The following ITPR3 variants were observed in gnomAD, a reference collection of about 807,000 sequenced individuals.
ITPR3 encodes the protein inositol 1,4,5-trisphosphate receptor type 3.
ITPR3 carries 173 observed loss-of-function variants against 293.2 expected under a neutral mutation model. The ratio of observed to expected loss-of-function variants is 0.59; its 90% CI spans 0.52 to 0.67. The LOEUF (loss-of-function observed/expected upper bound fraction) is 0.67, where lower values mean the gene tolerates loss of function less well. ITPR3 is among the 30% of genes least tolerant of loss of function. ITPR3 has a pLI of 0.00. For synonymous variants in ITPR3, 1,295 were observed against 1,444.4 expected (o/e 0.90, Z 2.35); for missense variants, 2,796 against 3,592.1 (o/e 0.78, Z 5.66).
At chr6:33,661,587 A>G (rs1764468587) in intron 7 of ITPR3, among the ~76,000 whole-genome samples, 2 of 152,232 alleles carry the variant, frequency 1.3e-5, no homozygotes, top group African/African-American at 4.8e-5. Context: ...TTCATCACGC[A>G]TATTATAATC....
intron 12 of ITPR3, 35 bp downstream of exon 12, chr6:33,665,004 C>G: frequency 6.2e-7 from 1 of 1,613,550 alleles, no homozygotes; most frequent in African/African-American, 1.3e-5. Flanking sequence ...GGGCTGGGGC[C>G]AGGGCCGGAG....
intron 7 of ITPR3, among the ~76,000 whole-genome samples, chr6:33,660,271 G>A (rs1764428487): frequency 1.3e-5 from 2 of 152,084 alleles, no homozygotes; most frequent in African/African-American, 4.8e-5. Context: ...GGAGCAGGCA[G>A]GAACATCAGC....
chr6:33,684,801 C>A lies in ITPR3; in HGVS notation c.5165C>A (p.Ala1722Glu), dbSNP rs754296665. The change falls in exon 39 of 58, where the codon GCA (alanine) becomes GAA (glutamate). Residue 1722 changes from alanine (A) to glutamate (E), a missense_variant. Physicochemically the swap from Ala to Glu is moderately radical, Grantham distance 107 (BLOSUM62 -1). Coordinates refer to ENST00000605930, the MANE Select transcript of ITPR3 (RefSeq NM_002224.4). This position sits in a 1 kb window ranked among gnomAD's most constrained non-coding sequence, Gnocchi z 4.2. Reference sequence around the variant, plus strand: ...CTGGACCCAGACTGGTCGGCAATCGCAGCCACCCAGTGCCGGCTGGACAAG... The same window carrying A: ...CTGGACCCAGACTGGTCGGCAATCGAAGCCACCCAGTGCCGGCTGGACAAG... ...TGLDPDWSAI[A>E]ATQCRLDKEG... The A allele has an allele frequency of 6.2e-7, 1 of 1,613,048 alleles. No individual in the cohort carries two copies. The highest frequency in any genetic ancestry group is 8.5e-7 in the Non-Finnish European group (1 of 1,179,404).
At position 33,670,955 on chromosome 6, in the gene ITPR3, G is replaced by A. The variant is rs1310205760; in HGVS notation, c.2586+140G>A. 19 of 1,305,812 alleles carry A rather than the reference G, an allele frequency of 1.5e-5. 1 individual carries two copies. The highest frequency in any genetic ancestry group is 5.1e-4 in the Middle Eastern group (2 of 3,932). 80.9% of individuals were successfully genotyped at this position (1,305,812 alleles called of 1,614,324 possible). A position where few individuals can be genotyped will look rare whatever the true frequency, so the allele number is the denominator to read the frequency against. On this transcript the variant is annotated intron_variant, in intron 20 of 57. Coordinates refer to ENST00000605930, the MANE Select transcript of ITPR3 (RefSeq NM_002224.4). The surrounding 1 kb of genome is among the most constrained non-coding windows in gnomAD (Gnocchi z 6.7). ...TGTCCCCAGCCAGTGCAGGGGGACC[G>A]CATAGAAGGCTGGGATTCTCCAAGA...
At position 33,663,774 on chromosome 6, in the gene ITPR3, G is replaced by A. The variant is rs1280417400; in HGVS notation, c.1042G>A (p.Glu348Lys). The A allele has an allele frequency of 1.2e-6, 2 of 1,614,056 alleles. No homozygotes were observed. Among genetic ancestry groups the A allele is most frequent in the African/African-American group, 1.3e-5 (1 of 74,936 alleles). Residue 348 changes from glutamate (E) to lysine (K), a missense_variant, in exon 11 of 58, where the codon GAG becomes AAG. Transcript: ENST00000605930. Reference protein sequence around the residue: ...QGRTGRRNAGEKIKYCLVAVP... With the variant: ...QGRTGRRNAGKKIKYCLVAVP... ...CCGCACAGGCCGCAGGAATGCTGGG[G>A]AGAAGATCAAGTACTGCCTGGTGGC...
intron 22 of ITPR3, among the ~76,000 whole-genome samples, 183 bp from the exon 23 acceptor site, chr6:33,673,408 T>C (rs1764819974): frequency 7.7e-6 from 1 of 129,070 alleles, no homozygotes. Context: ...GGGAGAGGGG[T>C]CTTGTTTTCT....
chr6:33,636,113 G>C (rs200138015), intron 1 of ITPR3, among the ~76,000 whole-genome samples: 3,595 of 124,488 alleles, frequency 0.029, 66 homozygotes, highest in African/African-American at 0.035. Flanking sequence ...GTGGTGAAAC[G>C]CTGTCTCTAC....
chr6:33,657,498 C>T (rs1044909299), intron 3 of ITPR3, among the ~76,000 whole-genome samples: 1 of 151,598 alleles, frequency 6.6e-6, no homozygotes, highest in East Asian at 1.9e-4. Flanking sequence ...GGAAATGGCA[C>T]CAAGCAGCCC....
rs764233066 is a variant in ITPR3, at chr6:33,689,251, C to T, written c.6708C>T (p.Ser2236=). Residue 2236 remains serine (S), a synonymous_variant, in exon 50 of 58, where the codon TCC becomes TCT. Coordinates refer to ENST00000605930, the MANE Select transcript of ITPR3 (RefSeq NM_002224.4). ...MEGASTGVLD[S]PLISLLFWIL... The stretch of plus-strand genomic sequence containing the variant: ...CCTGGCCCCCAGGCGTGCTGGACTC[C>T]CCTCTCATCTCATTGCTCTTCTGGA... 1.4e-5 allele frequency: 22 copies of T among 1,610,120 alleles called. No homozygotes were observed. The Admixed American group carries it at 3.7e-4, about 27-fold the overall frequency.
chr6:33,687,645 A>G lies in ITPR3; in HGVS notation c.6264+81A>G. ...ACTTGACCCAAGGGCGTGGCCTGGA[A>G]CAGAGTGAGGCCCTAGAATATGAGC... On this transcript the variant is annotated intron_variant, in intron 46 of 57. Transcript: ENST00000605930. This position sits in a 1 kb window ranked among gnomAD's most constrained non-coding sequence, Gnocchi z 5.3. 1 of 1,117,502 alleles carries G rather than the reference A, an allele frequency of 8.9e-7. No individual in the cohort carries two copies. The highest frequency in any genetic ancestry group is 1.3e-6 in the Non-Finnish European group (1 of 754,840). 69.2% of individuals were successfully genotyped at this position (1,117,502 alleles called of 1,614,324 possible).
rs769011935 is a variant in ITPR3 at position 33,685,517 on chromosome 6, C to A, written c.5466C>A (p.Val1822=). The change falls in exon 40 of 58, where the codon GTC becomes GTA. Residue 1822 remains valine (V), a synonymous_variant. Transcript: ENST00000605930. ...AGCCACATGAGGACCGCGAGCCAGT[C>A]GACCCCACCACCAAAGGTCAGGGGT... ...GSQPHEDREP[V]DPTTKGRVAS... 5 of 1,613,396 alleles carry A rather than the reference C, an allele frequency of 3.1e-6. No individual in the cohort carries two copies. In the East Asian group the frequency reaches 1.1e-4, roughly 36 times the overall value.
Position 33,675,982 on chromosome 6 carries a change from C to CAAGGCTGAAAA in ITPR3, c.3282+126_3282+127insAAGGCTGAAAA. Reference sequence around the variant, plus strand: ...TGGGATGCCCATTTGGGGTTTTCAGCCTTGCTGAGTTCCTAGGTGAAGACT... The same window carrying CAAGGCTGAAAA: ...TGGGATGCCCATTTGGGGTTTTCAGCAAGGCTGAAAACTTGCTGAGTTCCTAGGTGAAGACT... On this transcript the variant is annotated intron_variant, in intron 25 of 57. Transcript: ENST00000605930. The surrounding 1 kb of genome is among the most constrained non-coding windows in gnomAD (Gnocchi z 5.0). 1.7e-6 allele frequency: 2 copies of CAAGGCTGAAAA among 1,159,736 alleles called. No individual in the cohort carries two copies. Among genetic ancestry groups the CAAGGCTGAAAA allele is most frequent in the Non-Finnish European group, 2.4e-6 (2 of 849,920 alleles). The allele number at this position is 1,159,736 out of a possible 1,614,324, so 71.8% of individuals were successfully genotyped here. A position where few individuals can be genotyped will look rare whatever the true frequency, so the allele number is the denominator to read the frequency against.
chr6:33,665,494 C>T (rs1582134975), intron 13 of ITPR3, among the ~76,000 whole-genome samples: 1 of 152,152 alleles, frequency 6.6e-6, no homozygotes, highest in South Asian at 2.1e-4. Flanking sequence ...GAGACTTGCT[C>T]GGGGTCACAG....
chr6:33,664,161 C>A lies in ITPR3; in HGVS notation c.1148+281C>A, dbSNP rs1274936672. ...TAGGACACCAGCAGCACAGGGAACCCAAACACTGGATGGGAAGGCCAGACT... is the reference window on the plus strand; with the variant it reads ...TAGGACACCAGCAGCACAGGGAACCAAAACACTGGATGGGAAGGCCAGACT... On this transcript the variant is annotated intron_variant, in intron 11 of 57. Transcript: ENST00000605930. The surrounding 1 kb of genome is among the most constrained non-coding windows in gnomAD (Gnocchi z 4.4). 6.6e-6 allele frequency among the ~76,000 whole-genome samples: 1 copy of A among 152,210 alleles called. No homozygotes were observed. The highest frequency in any genetic ancestry group is 1.5e-5 in the Non-Finnish European group (1 of 68,042).
chr6:33,650,425 G>A (rs755806653), intron 2 of ITPR3, among the ~76,000 whole-genome samples: 10 of 152,200 alleles, frequency 6.6e-5, no homozygotes, highest in Middle Eastern at 3.2e-3. Flanking sequence ...AGAAAGATAC[G>A]GAGGAGTCAG....
rs1378780034 is a variant in ITPR3, at chr6:33,667,075, T to C, written c.1552-54T>C. 6.3e-6 allele frequency: 10 copies of C among 1,588,024 alleles called. No homozygotes were observed. The highest frequency in any genetic ancestry group is 8.6e-6 in the Non-Finnish European group (10 of 1,163,788). ...CTCAGGGATGACTCCTGGGATGACT[T>C]AGGGGTACAGACAGGTGTTGGGGAA... On this transcript the variant is annotated intron_variant, in intron 14 of 57. Coordinates refer to ENST00000605930, the MANE Select transcript of ITPR3 (RefSeq NM_002224.4). The surrounding 1 kb of genome is among the most constrained non-coding windows in gnomAD (Gnocchi z 4.4).
chr6:33,669,151 C>T lies in ITPR3; in HGVS notation c.2184C>T (p.Tyr728=). The change falls in exon 18 of 58, where the codon TAC becomes TAT. Residue 728 remains tyrosine, a synonymous_variant. Coordinates refer to ENST00000605930, the MANE Select transcript of ITPR3 (RefSeq NM_002224.4). The part of the protein sequence containing the change: ...GNAHDENVLS[Y]YRYQLKLFAR... The stretch of plus-strand genomic sequence containing the variant: ...CCCACGACGAGAATGTGCTCAGCTA[C>T]TACAGGTGCCCCGCCCCAGCTCCTC... 6.2e-7 allele frequency: 1 copy of T among 1,613,232 alleles called. No homozygotes were observed. Among genetic ancestry groups the T allele is most frequent in the Non-Finnish European group, 8.5e-7 (1 of 1,179,612 alleles).
chr6:33,695,318 T>TG (rs1249124173), intron 57 of ITPR3: 7 of 578,640 alleles, frequency 1.2e-5, no homozygotes, highest in Non-Finnish European at 2.1e-5. Flanking sequence ...TACAGGGTGG[T>TG]GGGGCCCTCT....
rs1450612790 is a variant in ITPR3, at chr6:33,672,766, C to T, written c.2928+538C>T. Among the ~76,000 whole-genome samples the T allele has an allele frequency of 1.1e-4, 17 of 151,858 alleles. 1 individual carries two copies. The East Asian group carries it at 2.9e-3, about 26-fold the overall frequency. ...AAAGCGGGGAGGTAAAAGCGGGGGCCGGGGGGTGCTTTCCCAAGGTCACAG... is the reference window on the plus strand; with the variant it reads ...AAAGCGGGGAGGTAAAAGCGGGGGCTGGGGGGTGCTTTCCCAAGGTCACAG... On this transcript the variant is annotated intron_variant, in intron 22 of 57. Transcript: ENST00000605930. This position sits in a 1 kb window ranked among gnomAD's most constrained non-coding sequence, Gnocchi z 5.0.
Sources: allele counts gnomAD v4.1 joint callset (sites outside exome capture counted in the v4.1 genomes callset), GRCh38; gene constraint gnomAD v4.1.1; non-coding constraint Gnocchi (gnomAD v3.1); transcripts MANE v1.5; gene names NCBI Gene and HGNC (gene_info 2026-07-23, HGNC 2026-07-21).